The following PAMR1 variants were observed in gnomAD, a reference collection of about 807,000 sequenced individuals.
PAMR1 encodes peptidase domain containing associated with muscle regeneration 1, also known as inactive serine protease PAMR1.
PAMR1 carries 88 observed loss-of-function variants against 81.8 expected under a neutral mutation model. That is an observed-to-expected ratio of 1.08 (90% CI 0.91 to 1.28). The LOEUF (loss-of-function observed/expected upper bound fraction) is 1.28, where lower values mean the gene tolerates loss of function less well. Among genes scored for constraint, PAMR1 ranks in the 50% most tolerant of loss-of-function variants. PAMR1 has a pLI of 0.00. For missense variants in PAMR1, 935 were observed against 919.7 expected (o/e 1.02, Z -0.21); for synonymous variants, 336 against 345.3 (o/e 0.97, Z 0.30).
At chr11:35,477,403 A>G (rs1243640413) in intron 3 of PAMR1, among the ~76,000 whole-genome samples, 1 of 152,260 alleles carries the variant, frequency 6.6e-6, no homozygotes, top group Non-Finnish European at 1.5e-5. Context: ...TGGAGAAGTT[A>G]AGTGATTTCC....
chr11:35,496,698 G>A (rs1850732249), intron 1 of PAMR1, among the ~76,000 whole-genome samples: 1 of 152,204 alleles, frequency 6.6e-6, no homozygotes, highest in Admixed American at 6.5e-5. Flanking sequence ...ATGGAAAACA[G>A]TTTGGCAGTT....
At chr11:35,515,680 C>T (rs1327846349) in intron 1 of PAMR1, among the ~76,000 whole-genome samples, 1 of 152,138 alleles carries the variant, frequency 6.6e-6, no homozygotes, top group Non-Finnish European at 1.5e-5. Context: ...CCCTCACATG[C>T]CTACAAGAAC....
In PAMR1 at chr11:35,500,088, T is replaced by C. The variant is rs144050156; in HGVS notation, c.74-5816A>G. On this transcript the variant is annotated intron_variant, in intron 1 of 10. Transcript: ENST00000619888. ...AATAAACAGCTTCTCCTGTGGAGCA[T>C]CCAGAAGGAATGCAGCCCTGCCAAC... 1.0e-3 allele frequency among the ~76,000 whole-genome samples: 152 copies of C among 152,336 alleles called. 1 individual carries two copies. The highest frequency in any genetic ancestry group is 3.5e-3 in the African/African-American group (144 of 41,578).
At chr11:35,476,968 T>C (rs1850296219) in intron 3 of PAMR1, among the ~76,000 whole-genome samples, 1 of 152,044 alleles carries the variant, frequency 6.6e-6, no homozygotes, top group South Asian at 2.1e-4. Flanking sequence ...CCTGTAAGAA[T>C]TAAGCTTATA....
At chr11:35,524,634 A>G (rs1851351154) in intron 1 of PAMR1, among the ~76,000 whole-genome samples, 1 of 152,098 alleles carries the variant, frequency 6.6e-6, no homozygotes, top group Admixed American at 6.5e-5. Flanking sequence ...ATTTCTGTAC[A>G]TCTCGGCCTG....
intron 1 of PAMR1, among the ~76,000 whole-genome samples, chr11:35,523,987 C>T (rs1333441511): frequency 6.6e-6 from 1 of 152,114 alleles, no homozygotes; most frequent in Non-Finnish European, 1.5e-5. Context: ...AGCGCCTCAC[C>T]TGCCATGTAA....
chr11:35,489,456 A>G (rs1388695920), intron 3 of PAMR1, among the ~76,000 whole-genome samples: 1 of 152,160 alleles, frequency 6.6e-6, no homozygotes, highest in East Asian at 1.9e-4. Context: ...AAGCGCTGCA[A>G]TCGCACTCCT....
chr11:35,504,685 T>C (rs981095878), intron 1 of PAMR1, among the ~76,000 whole-genome samples: 2 of 152,122 alleles, frequency 1.3e-5, no homozygotes, highest in African/African-American at 4.8e-5. Context: ...TTCATAATAG[T>C]CTCTAATAAT....
chr11:35,523,980 G>A (rs139540017), intron 1 of PAMR1, among the ~76,000 whole-genome samples: 2,243 of 152,102 alleles, frequency 0.015, 59 homozygotes, highest in African/African-American at 0.051. Flanking sequence ...GCTTTGAAGC[G>A]CCTCACCTGC....
At chr11:35,450,320 T>C (rs775974229) in intron 6 of PAMR1, among the ~76,000 whole-genome samples, 26 of 152,346 alleles carry the variant, frequency 1.7e-4, no homozygotes, top group Non-Finnish European at 3.4e-4. Context: ...ACACTCTGTA[T>C]GCCTTTGGAC....
intron 1 of PAMR1, among the ~76,000 whole-genome samples, chr11:35,511,558 T>C (rs1851072404): frequency 6.6e-6 from 1 of 152,188 alleles, no homozygotes; most frequent in South Asian, 2.1e-4. Flanking sequence ...AAAACCTACC[T>C]TTGAGTCCAC....
At chr11:35,471,642 G>A (rs909040484) in intron 4 of PAMR1, among the ~76,000 whole-genome samples, 1 of 152,126 alleles carries the variant, frequency 6.6e-6, no homozygotes, top group Non-Finnish European at 1.5e-5. Context: ...CAGGGGTTAA[G>A]GAAACCTGAC....
At chr11:35,455,802 T>G (rs745415138) in intron 6 of PAMR1, among the ~76,000 whole-genome samples, 4 of 152,214 alleles carry the variant, frequency 2.6e-5, no homozygotes, top group Non-Finnish European at 4.4e-5. Flanking sequence ...TAGAAATTTT[T>G]TATTTAAACC....
rs950453184 is a variant in PAMR1, at chr11:35,432,478, G to A, written c.2041C>T (p.Pro681Ser). The change falls in exon 11 of 11, where the codon CCA becomes TCA. Residue 681 changes from proline to serine, a missense_variant. By Grantham distance (74) the Pro-to-Ser change is moderately conservative. Coordinates refer to ENST00000619888, the MANE Select transcript of PAMR1 (RefSeq NM_001001991.3). Reference sequence around the variant, plus strand: ...ACCAGTCCCATCAGATGCCAGCGTGGCTCAGGAGATGCTCGTCCCGGGAAG... The same window carrying A: ...ACCAGTCCCATCAGATGCCAGCGTGACTCAGGAGATGCTCGTCCCGGGAAG... ...VSFPGRASPEPRWHLMGLVSW... is the reference protein window; with the variant it reads ...VSFPGRASPESRWHLMGLVSW... 30 of 1,614,106 alleles carry A rather than the reference G, an allele frequency of 1.9e-5. No homozygotes were observed. The highest frequency in any genetic ancestry group is 2.4e-5 in the Non-Finnish European group (28 of 1,180,054).
At chr11:35,446,100 A>AT (rs1358470299) in intron 6 of PAMR1, among the ~76,000 whole-genome samples, 1 of 151,962 alleles carries the variant, frequency 6.6e-6, no homozygotes, top group Non-Finnish European at 1.5e-5. Flanking sequence ...TTTATCCTAG[A>AT]TTTTCTAGTT....
intron 1 of PAMR1, 25 bp from the exon 2 acceptor site, chr11:35,494,297 G>A (rs1309592819): frequency 1.9e-6 from 3 of 1,601,806 alleles, no homozygotes; most frequent in South Asian, 2.2e-5. Flanking sequence ...CAGCAGGTGA[G>A]GCTAGGTCCT....
Position 35,494,123 on chromosome 11 carries a change from C to G in PAMR1, c.223G>C (p.Glu75Gln), listed in dbSNP as rs775044866. The change falls in exon 2 of 11, where the codon GAG becomes CAG. Residue 75 changes from glutamate to glutamine, a missense_variant. Coordinates refer to ENST00000619888, the MANE Select transcript of PAMR1 (RefSeq NM_001001991.3). The stretch of plus-strand genomic sequence containing the variant: ...GGGTGGATCAGGCAGGAGTCACACT[C>G]ATTCTCCTCATTCCTGCAGCAAGGG... ...TIPCCRNEEN[E>Q]CDSCLIHPGC... 18 of 1,614,162 alleles carry G rather than the reference C, an allele frequency of 1.1e-5. No homozygotes were observed. Among genetic ancestry groups the G allele is most frequent in the Non-Finnish European group, 1.5e-5 (18 of 1,179,988 alleles).
intron 1 of PAMR1, among the ~76,000 whole-genome samples, chr11:35,510,689 A>G (rs1276232706): frequency 6.6e-6 from 1 of 152,148 alleles, no homozygotes; most frequent in Admixed American, 6.5e-5. Flanking sequence ...ATCTCTCAAA[A>G]TTGGTAATAT....
chr11:35,511,919 T>C (rs1461586897), intron 1 of PAMR1, among the ~76,000 whole-genome samples: 2 of 152,142 alleles, frequency 1.3e-5, no homozygotes, highest in Non-Finnish European at 2.9e-5. Context: ...GGGCTCTTGG[T>C]GATTCTATCC....
Sources: gnomAD v4.1 joint callset for allele counts (sites outside exome capture counted in the v4.1 genomes callset) on GRCh38, gnomAD v4.1.1 for gene constraint, MANE v1.5 for transcripts, NCBI Gene and HGNC (gene_info 2026-07-23, HGNC 2026-07-21) for gene names.